Variants in TRHDE observed in about 807,000 individuals in gnomAD.
TRHDE encodes thyrotropin releasing hormone degrading enzyme.
In TRHDE, 72 loss-of-function variants were observed where a neutral mutation model predicts 125.7. The observed-to-expected ratio is 0.57, with a 90% CI of 0.47 to 0.70. The LOEUF (loss-of-function observed/expected upper bound fraction) is 0.70, where lower values mean the gene tolerates loss of function less well. Among genes scored for constraint, TRHDE ranks in the 30% least tolerant of loss-of-function variants. TRHDE has a pLI of 0.00. For missense variants in TRHDE, 1,110 were observed against 1,327.1 expected, an observed-to-expected ratio of 0.84 and a Z score of 2.54; for synonymous variants, 509 against 509.1, an observed-to-expected ratio of 1.00 and a Z score of 0.00.
At chr12:72,299,228 G>A (rs761888981) in intron 2 of TRHDE, among the ~76,000 whole-genome samples, 5 of 152,124 alleles carry the variant, frequency 3.3e-5, no homozygotes, top group Non-Finnish European at 7.4e-5. Context: ...TTCTTGGAAG[G>A]CCTTTGTACT....
intron 2 of TRHDE, 38 bp downstream of exon 2, chr12:72,286,992 T>C (rs370890351): frequency 3.8e-6 from 6 of 1,595,604 alleles, no homozygotes; most frequent in Non-Finnish European, 5.1e-6. Flanking sequence ...TTGGATAATG[T>C]ACACTCTGTA....
At chr12:72,429,303 C>T (rs1017754501) in intron 3 of TRHDE, among the ~76,000 whole-genome samples, 10 of 150,156 alleles carry the variant, frequency 6.7e-5, no homozygotes, top group Non-Finnish European at 1.0e-4. Flanking sequence ...TGTAACAAAA[C>T]GTTACGTTCT....
At chr12:72,297,531 G>A (rs1055280083) in intron 2 of TRHDE, among the ~76,000 whole-genome samples, 5 of 152,184 alleles carry the variant, frequency 3.3e-5, no homozygotes, top group African/African-American at 1.2e-4. Flanking sequence ...ATCCTGAACA[G>A]GTTGGGAGAA....
At chr12:72,441,888 G>A (rs1326754646) in intron 3 of TRHDE, among the ~76,000 whole-genome samples, 8 of 151,816 alleles carry the variant, frequency 5.3e-5, no homozygotes, top group Non-Finnish European at 8.8e-5. Flanking sequence ...GGAATCCTCC[G>A]ATTTTCTGCC....
At chr12:72,457,883 T>A (rs1875937812) in intron 3 of TRHDE, among the ~76,000 whole-genome samples, 1 of 152,178 alleles carries the variant, frequency 6.6e-6, no homozygotes. Context: ...GAATGGTCAT[T>A]TATAAATAGT....
chr12:72,125,832 T>A (rs2139304374), intron 2 of TRHDE, among the ~76,000 whole-genome samples: 1 of 152,264 alleles, frequency 6.6e-6, no homozygotes, highest in East Asian at 1.9e-4. Context: ...TCCCTATGAT[T>A]TGCCCAGCTT....
At chr12:72,285,535 T>TG (rs1174353516) in intron 1 of TRHDE, among the ~76,000 whole-genome samples, 4 of 150,274 alleles carry the variant, frequency 2.7e-5, no homozygotes, top group Admixed American at 6.6e-5. Context: ...TTTTTTTTTT[T>TG]TTTTGAGACA....
intron 10 of TRHDE, among the ~76,000 whole-genome samples, chr12:72,569,695 A>G (rs1453756100): frequency 6.6e-6 from 1 of 152,226 alleles, no homozygotes; most frequent in Non-Finnish European, 1.5e-5. Context: ...TGTATTTCTA[A>G]CACATAAAGA....
intron 2 of TRHDE, among the ~76,000 whole-genome samples, chr12:72,331,473 G>A (rs78787388): frequency 0.031 from 2,116 of 67,566 alleles, 368 homozygotes; most frequent in African/African-American, 0.08. Context: ...CTATGCTACC[G>A]AATGAACTAA....
chr12:72,376,117 G>A (rs1219260692), intron 2 of TRHDE, among the ~76,000 whole-genome samples: 2 of 152,132 alleles, frequency 1.3e-5, no homozygotes, highest in Non-Finnish European at 2.9e-5. Flanking sequence ...CAATGACAAG[G>A]TGCAAGAGTA....
chr12:72,547,522 A>T (rs535393361), intron 7 of TRHDE, among the ~76,000 whole-genome samples: 2 of 151,936 alleles, frequency 1.3e-5, no homozygotes, highest in Admixed American at 6.6e-5. Context: ...ACTACTGTGA[A>T]TAATTGTTTT....
intron 3 of TRHDE, among the ~76,000 whole-genome samples, chr12:72,456,723 C>T (rs1875873080): frequency 1.3e-5 from 2 of 152,022 alleles, no homozygotes; most frequent in African/African-American, 2.4e-5. Context: ...AGCATTTTCC[C>T]GTTATGGGTG....
At chr12:72,116,933 T>C (rs960338381) in intron 2 of TRHDE, among the ~76,000 whole-genome samples, 1 of 152,128 alleles carries the variant, frequency 6.6e-6, no homozygotes, top group African/African-American at 2.4e-5. Flanking sequence ...CATTTTTAGA[T>C]TGGATTATTA....
chr12:72,520,365 C>T (rs544552193), intron 6 of TRHDE, among the ~76,000 whole-genome samples: 4 of 152,306 alleles, frequency 2.6e-5, no homozygotes, highest in East Asian at 3.9e-4. Context: ...TTAAGCCCGT[C>T]GGAAAAGCGC....
intron 2 of TRHDE, among the ~76,000 whole-genome samples, chr12:72,209,816 A>T (rs1296573748): frequency 6.6e-6 from 1 of 152,200 alleles, no homozygotes; most frequent in African/African-American, 2.4e-5. Flanking sequence ...AGAACAGTAC[A>T]TATTTGCTTA....
chr12:72,547,455 G>T (rs187527826), intron 7 of TRHDE, among the ~76,000 whole-genome samples: 318 of 151,822 alleles, frequency 2.1e-3, no homozygotes, highest in African/African-American at 7.2e-3. Flanking sequence ...TATAAAATTT[G>T]TAAATTTCTA....
intron 3 of TRHDE, among the ~76,000 whole-genome samples, chr12:72,413,207 A>G (rs1246389162): frequency 6.6e-6 from 1 of 152,068 alleles, no homozygotes; most frequent in African/African-American, 2.4e-5. Context: ...ATTCTATGGC[A>G]TAATTTTTTT....
chr12:72,384,821 G>A (rs769074928), intron 3 of TRHDE, among the ~76,000 whole-genome samples: 4 of 151,982 alleles, frequency 2.6e-5, no homozygotes, highest in Non-Finnish European at 4.4e-5. Flanking sequence ...TTGTGATGAT[G>A]ATGATAATTT....
chr12:72,471,583 T>C (rs1430761778), intron 4 of TRHDE, among the ~76,000 whole-genome samples: 1 of 152,248 alleles, frequency 6.6e-6, no homozygotes, highest in Non-Finnish European at 1.5e-5. Context: ...ATTTCCGTTG[T>C]CATTAACCAA....
Sources: gnomAD v4.1 joint callset for allele counts (sites outside exome capture counted in the v4.1 genomes callset) on GRCh38, gnomAD v4.1.1 for gene constraint, MANE v1.5 for transcripts, NCBI Gene and HGNC (gene_info 2026-07-23, HGNC 2026-07-21) for gene names.